Variants in CHST15 observed in about 807,000 individuals in gnomAD.
The protein encoded by CHST15 is B cell RAG associated protein (GALNAC4S-6ST).
Under a neutral mutation model 53.6 loss-of-function variants are expected in CHST15, and 30 were observed. The ratio of observed to expected loss-of-function variants is 0.56; its 90% CI spans 0.42 to 0.76. The LOEUF (loss-of-function observed/expected upper bound fraction) is 0.76. Ranked by LOEUF, CHST15 falls within the 30% of genes least tolerant of loss-of-function variation. The pLI, the probability that CHST15 is intolerant of heterozygous loss-of-function variation, is 0.00. For missense variants in CHST15, 627 were observed against 740.5 expected (o/e 0.85, Z 1.78); for synonymous variants, 296 against 289.8 (o/e 1.02, Z -0.22).
At chr10:124,076,131 C>A (rs1171091797) in intron 1 of CHST15, among the ~76,000 whole-genome samples, 1 of 152,224 alleles carries the variant, frequency 6.6e-6, no homozygotes, top group Admixed American at 6.5e-5. Flanking sequence ...CAGACACACA[C>A]ATTAACCACA....
chr10:124,033,952 A>C (rs1404115103), intron 5 of CHST15, among the ~76,000 whole-genome samples: 1 of 152,238 alleles, frequency 6.6e-6, no homozygotes, highest in African/African-American at 2.4e-5. Flanking sequence ...CAGCAGTACT[A>C]ATTAGTACAG....
chr10:124,051,530 G>C (rs915879139), intron 1 of CHST15, among the ~76,000 whole-genome samples: 4 of 152,158 alleles, frequency 2.6e-5, no homozygotes, highest in African/African-American at 9.7e-5. Context: ...GTCCACATTT[G>C]GTGCCGGTCG....
chr10:124,034,737 C>CCCCGGCTCCACCCCCTAACAGGGAT, intron 5 of CHST15, among the ~76,000 whole-genome samples: 1 of 141,362 alleles, frequency 7.1e-6, no homozygotes. Flanking sequence ...CTAACAGGGA[C>CCCCGGCTCCACCCCCTAACAGGGAT]CCCGGCTCCA....
intron 1 of CHST15, among the ~76,000 whole-genome samples, chr10:124,085,075 C>A (rs767686144): frequency 5.3e-5 from 8 of 152,232 alleles, no homozygotes; most frequent in Non-Finnish European, 1.2e-4. Flanking sequence ...AGACTCTTTA[C>A]ATACACAGGT....
chr10:124,044,025 C>G (rs1190261675), intron 3 of CHST15, among the ~76,000 whole-genome samples: 1 of 150,252 alleles, frequency 6.7e-6, no homozygotes, highest in Non-Finnish European at 1.5e-5. Flanking sequence ...CAGCACAGAG[C>G]AGGGAGCAGC....
rs1054129205 is a variant in CHST15 at position 124,036,807 on chromosome 10, G to A, written c.1190+1708C>T. Among the ~76,000 whole-genome samples the A allele has an allele frequency of 1.3e-5, 2 of 152,134 alleles. No individual in the cohort carries two copies. The highest frequency in any genetic ancestry group is 2.4e-5 in the African/African-American group (1 of 41,422). ...GTTCCAAAATTTCCACAACAAACACGCCTTATTGTTATAATTGGCAAATAC... is the reference window on the plus strand; with the variant it reads ...GTTCCAAAATTTCCACAACAAACACACCTTATTGTTATAATTGGCAAATAC... On this transcript the variant is annotated intron_variant, in intron 5 of 7. Coordinates refer to ENST00000435907, the MANE Select transcript of CHST15 (RefSeq NM_001270764.2). The surrounding 1 kb of genome is among the most constrained non-coding windows in gnomAD (Gnocchi z 5.1).
Position 124,009,261 on chromosome 10 carries a change from T to A in CHST15, c.*888A>T. 1 of 1,083,788 alleles carries A rather than the reference T, an allele frequency of 9.2e-7. No individual in the cohort carries two copies. The allele number at this position is 1,083,788 out of a possible 1,614,324, so 67.1% of individuals were successfully genotyped here. A position where few individuals can be genotyped will look rare whatever the true frequency, so the allele number is the denominator to read the frequency against. On this transcript the variant is annotated 3_prime_UTR_variant, in exon 8 of 8. Transcript: ENST00000435907. ...TCCTTGAGGTTGCTCATTCTGGCAT[T>A]AACAGCAAAAATTTCTCTTCCAATT...
intron 6 of CHST15, among the ~76,000 whole-genome samples, chr10:124,014,477 T>C (rs371047562): frequency 2.0e-5 from 3 of 152,168 alleles, no homozygotes; most frequent in Admixed American, 6.5e-5. Context: ...CTACCTCACA[T>C]GCCAGCTCAG....
intron 1 of CHST15, among the ~76,000 whole-genome samples, chr10:124,078,673 T>C (rs940283448): frequency 5.3e-5 from 8 of 152,200 alleles, no homozygotes; most frequent in Non-Finnish European, 1.0e-4. Flanking sequence ...TTTTAACTGA[T>C]TGTCAATTGG....
chr10:124,008,686 T>A lies in CHST15; in HGVS notation c.*1463A>T. 1 of 1,119,220 alleles carries A rather than the reference T, an allele frequency of 8.9e-7. No homozygotes were observed. Among genetic ancestry groups the A allele is most frequent in the Admixed American group, 4.0e-5 (1 of 24,938 alleles). The allele number at this position is 1,119,220 out of a possible 1,614,324, so 69.3% of individuals were successfully genotyped here. A position where few individuals can be genotyped will look rare whatever the true frequency, so the allele number is the denominator to read the frequency against. On this transcript the variant is annotated 3_prime_UTR_variant, in exon 8 of 8. Coordinates refer to ENST00000435907, the MANE Select transcript of CHST15 (RefSeq NM_001270764.2). ...CCCGAAGCCTGGTCTGTCTCACACA[T>A]ACAAGTTAGAGCTGGGTAGACGGGT...
chr10:124,070,034 T>A (rs982393383), intron 1 of CHST15, among the ~76,000 whole-genome samples: 3 of 152,320 alleles, frequency 2.0e-5, no homozygotes, highest in East Asian at 1.9e-4. Context: ...CCCAGCACGT[T>A]GTCAGGAACA....
Position 124,074,163 on chromosome 10 carries a change from A to G in CHST15, c.-513+19306T>C, listed in dbSNP as rs1487685199. 6.6e-6 allele frequency among the ~76,000 whole-genome samples: 1 copy of G among 152,218 alleles called. No homozygotes were observed. Among genetic ancestry groups the G allele is most frequent in the Non-Finnish European group, 1.5e-5 (1 of 68,042 alleles). On this transcript the variant is annotated intron_variant, in intron 1 of 7. Transcript: ENST00000435907. The surrounding 1 kb of genome is among the most constrained non-coding windows in gnomAD (Gnocchi z 4.4). ...CGCCTGCTGCACCCCCAGGGAAGGT[A>G]GCTTGCTCTCCCTCCCAAGATCTTT...
chr10:124,035,963 G>T (rs559757615), intron 5 of CHST15, among the ~76,000 whole-genome samples: 1 of 152,176 alleles, frequency 6.6e-6, no homozygotes, highest in Non-Finnish European at 1.5e-5. Context: ...ACCCAGTCCC[G>T]ACAGATGGGC....
At chr10:124,023,138 G>T (rs1286963389) in intron 5 of CHST15, among the ~76,000 whole-genome samples, 1 of 151,930 alleles carries the variant, frequency 6.6e-6, no homozygotes, top group Admixed American at 6.6e-5. Context: ...AACTGTCATG[G>T]CAGTCCCTAT....
At chr10:124,056,432 C>T (rs779204424) in intron 1 of CHST15, among the ~76,000 whole-genome samples, 8 of 152,206 alleles carry the variant, frequency 5.3e-5, no homozygotes, top group Non-Finnish European at 1.0e-4. Flanking sequence ...ATCACTCAGG[C>T]TTGTCTCCTG....
At chr10:124,014,098 A>C (rs1946507292) in intron 6 of CHST15, among the ~76,000 whole-genome samples, 1 of 152,210 alleles carries the variant, frequency 6.6e-6, no homozygotes, top group Non-Finnish European at 1.5e-5. Flanking sequence ...TCATACATGC[A>C]GCACTTCCTG....
chr10:124,007,825 GA>G lies in CHST15; in HGVS notation c.*2323del. The G allele has an allele frequency of 1.6e-6, 2 of 1,232,040 alleles. No homozygotes were observed. The highest frequency in any genetic ancestry group is 2.0e-6 in the Non-Finnish European group (2 of 987,912). The allele number at this position is 1,232,040 out of a possible 1,614,324, so 76.3% of individuals were successfully genotyped here. On this transcript the variant is annotated 3_prime_UTR_variant, in exon 8 of 8. Coordinates refer to ENST00000435907, the MANE Select transcript of CHST15 (RefSeq NM_001270764.2). ...AATTTAACACGGTCACAACTTTTGA[GA>G]ACAAAAAGGAACTTCAATACCATGT... is the stretch of plus-strand genomic sequence containing the variant.
Position 124,021,240 on chromosome 10 carries a change from G to GGGGGA in CHST15, c.1347+15_1347+16insTCCCC. The GGGGGA allele has an allele frequency of 6.4e-7, 1 of 1,563,444 alleles. No individual in the cohort carries two copies. Among genetic ancestry groups the GGGGGA allele is most frequent in the Non-Finnish European group, 8.7e-7 (1 of 1,150,218 alleles). On this transcript the variant is annotated intron_variant, in intron 6 of 7. Coordinates refer to ENST00000435907, the MANE Select transcript of CHST15 (RefSeq NM_001270764.2). ...CAGGGGCCAGCTCGGGGGGTACGGG[G>GGGGGA]GGGGGGGGTACACACAGGCATGGCG... is the stretch of plus-strand genomic sequence containing the variant.
chr10:124,047,230 T>C (rs1948035173), intron 1 of CHST15, among the ~76,000 whole-genome samples: 1 of 152,184 alleles, frequency 6.6e-6, no homozygotes. Flanking sequence ...GCATCAGCAG[T>C]CTCTTTCTTA....
Sources: allele counts gnomAD v4.1 joint callset (sites outside exome capture counted in the v4.1 genomes callset), GRCh38; gene constraint gnomAD v4.1.1; non-coding constraint Gnocchi (gnomAD v3.1); transcripts MANE v1.5; gene names NCBI Gene and HGNC (gene_info 2026-07-23, HGNC 2026-07-21).